Variants in GOLM2 observed in about 807,000 individuals in gnomAD.
GOLM2 encodes the protein protein GOLM2.
In GOLM2, 26 loss-of-function variants were observed where a neutral mutation model predicts 55.9. The ratio of observed to expected loss-of-function variants is 0.47; its 90% CI spans 0.34 to 0.65. GOLM2 has a LOEUF of 0.65. Ranked by LOEUF, GOLM2 falls within the 30% of genes least tolerant of loss-of-function variation. The pLI, the probability that GOLM2 is intolerant of heterozygous loss-of-function variation, is 0.01. For synonymous variants in GOLM2, 165 were observed against 194.6 expected, an observed-to-expected ratio of 0.85 and a Z score of 1.27; for missense variants, 486 against 531.8, an observed-to-expected ratio of 0.91 and a Z score of 0.85.
rs1364464677 is a variant in GOLM2 at position 44,380,912 on chromosome 15, T to G, written c.1008T>G (p.Ile336Met). Residue 336 changes from isoleucine (I) to methionine (M), a missense_variant, in exon 8 of 10, where the codon ATT becomes ATG. Transcript: ENST00000299957. ...CAAACTTGGACAGTGAACCCAGAATTCAAACAGATATACTAAAGCAGGCTA... is the reference window on the plus strand; with the variant it reads ...CAAACTTGGACAGTGAACCCAGAATGCAAACAGATATACTAAAGCAGGCTA... ...PGSNLDSEPR[I>M]QTDILKQATK... is the part of the protein sequence containing the mutation. 1.9e-6 allele frequency: 3 copies of G among 1,602,814 alleles called. No individual in the cohort carries two copies. The highest frequency in any genetic ancestry group is 2.6e-6 in the Non-Finnish European group (3 of 1,174,132).
chr15:44,326,216 C>T (rs992926058), intron 2 of GOLM2, among the ~76,000 whole-genome samples: 1 of 149,056 alleles, frequency 6.7e-6, no homozygotes, highest in Non-Finnish European at 1.5e-5. Context: ...GAGCTGAGAT[C>T]GCACCACTGC....
intron 5 of GOLM2, 67 bp from the exon 6 acceptor site, chr15:44,338,170 T>G: frequency 6.9e-7 from 1 of 1,452,726 alleles, no homozygotes; most frequent in Non-Finnish European, 9.6e-7. Flanking sequence ...ATTGTTACAT[T>G]CCTTCAAAAC....
intron 6 of GOLM2, among the ~76,000 whole-genome samples, chr15:44,369,374 A>C (rs1010175982): frequency 1.2e-4 from 18 of 151,028 alleles, no homozygotes; most frequent in Admixed American, 5.3e-4. Flanking sequence ...ACCACTCTCT[A>C]TCACATCTCC....
rs2079653587 is a variant in GOLM2 at position 44,413,631 on chromosome 15, CA to C, written c.*230del. 1.9e-5 allele frequency: 8 copies of C among 421,310 alleles called. No homozygotes were observed. Among genetic ancestry groups the C allele is most frequent in the East Asian group, 4.1e-5 (1 of 24,668 alleles). 26.1% of individuals were successfully genotyped at this position (421,310 alleles called of 1,614,324 possible). A position where few individuals can be genotyped will look rare whatever the true frequency, so the allele number is the denominator to read the frequency against. On this transcript the variant is annotated 3_prime_UTR_variant, in exon 10 of 10. Coordinates refer to ENST00000299957, the MANE Select transcript of GOLM2 (RefSeq NM_138423.4). ...TTTTTTGGTTATGATACAGTTAAGC[CA>C]AAAACAGCTAATCTTTGCATCTAAA... is the stretch of plus-strand genomic sequence containing the variant.
intron 2 of GOLM2, 100 bp from the exon 3 acceptor site, chr15:44,328,585 T>G (rs1158535562): frequency 4.6e-6 from 3 of 653,108 alleles, no homozygotes; most frequent in Non-Finnish European, 7.7e-6. Context: ...CTAAAGAAAT[T>G]GAGAATTATG....
At chr15:44,379,637 T>TTTTTTAA in intron 6 of GOLM2, 53 bp from the exon 7 acceptor site, 1 of 736,324 alleles carries the variant, frequency 1.4e-6, no homozygotes, top group Non-Finnish European at 2.2e-6. Flanking sequence ...TTTTTTTTTT[T>TTTTTTAA]TAGAAATCAT....
intron 8 of GOLM2, among the ~76,000 whole-genome samples, chr15:44,392,531 GAGA>G (rs2079498058): frequency 1.3e-5 from 2 of 151,880 alleles, no homozygotes; most frequent in Admixed American, 1.3e-4. Context: ...GCTGAGGCTG[GAGA>G]ATCGCTTGAA....
At chr15:44,398,829 G>C (rs761907518) in intron 8 of GOLM2, among the ~76,000 whole-genome samples, 8 of 151,782 alleles carry the variant, frequency 5.3e-5, no homozygotes, top group Non-Finnish European at 8.8e-5. Flanking sequence ...ACCACAGCCA[G>C]CTAATTTTTT....
chr15:44,385,538 T>C (rs1173023930), intron 8 of GOLM2, among the ~76,000 whole-genome samples: 2 of 151,940 alleles, frequency 1.3e-5, no homozygotes, highest in Admixed American at 6.6e-5. Context: ...TTTCAAGACC[T>C]TTGTCCTTTT....
chr15:44,369,067 TTATA>T (rs58317520), intron 6 of GOLM2, among the ~76,000 whole-genome samples: 773 of 22,826 alleles, frequency 0.034, 26 homozygotes, highest in Admixed American at 0.055. Flanking sequence ...ATAGGATATA[TTATA>T]TATATATATA....
intron 6 of GOLM2, among the ~76,000 whole-genome samples, chr15:44,351,915 A>C (rs2079167664): frequency 1.3e-5 from 2 of 152,244 alleles, no homozygotes; most frequent in South Asian, 4.1e-4. Flanking sequence ...GGTGAAAGAA[A>C]TTGAAGAGGA....
intron 9 of GOLM2, 68 bp downstream of exon 9, chr15:44,403,122 T>G: frequency 1.9e-6 from 3 of 1,574,144 alleles, no homozygotes; most frequent in Non-Finnish European, 2.6e-6. Flanking sequence ...GTTGAATTTG[T>G]GTAGAATTTC....
intron 9 of GOLM2, 26 bp downstream of exon 9, chr15:44,403,080 T>C: frequency 6.2e-7 from 1 of 1,613,572 alleles, no homozygotes; most frequent in South Asian, 1.1e-5. Flanking sequence ...GCCTCCATGC[T>C]ATAACCATGA....
At chr15:44,319,607 G>GCC (rs2078935492) in intron 1 of GOLM2, among the ~76,000 whole-genome samples, 1 of 152,022 alleles carries the variant, frequency 6.6e-6, no homozygotes, top group East Asian at 1.9e-4. Flanking sequence ...TTGTTTTTGA[G>GCC]ACAGGGTCTC....
At chr15:44,359,316 A>C (rs1372843288) in intron 6 of GOLM2, among the ~76,000 whole-genome samples, 1 of 150,650 alleles carries the variant, frequency 6.6e-6, no homozygotes, top group Admixed American at 6.6e-5. Flanking sequence ...GGCCAGGCGC[A>C]GTGGCTCATG....
chr15:44,334,352 T>A (rs1231628857), intron 4 of GOLM2, among the ~76,000 whole-genome samples: 1 of 152,230 alleles, frequency 6.6e-6, no homozygotes, highest in Non-Finnish European at 1.5e-5. Context: ...AATCCAATGT[T>A]AGCTATATGA....
At chr15:44,387,242 C>G (rs1489382466) in intron 8 of GOLM2, 1 of 150,114 alleles carries the variant, frequency 6.7e-6, no homozygotes, top group Non-Finnish European at 1.5e-5. Flanking sequence ...TTGGAGAGCA[C>G]TGCCATCTTA....
intron 8 of GOLM2, among the ~76,000 whole-genome samples, chr15:44,381,866 T>G (rs1304248160): frequency 2.0e-5 from 3 of 152,168 alleles, no homozygotes; most frequent in Non-Finnish European, 4.4e-5. Context: ...TTGCCCAGGC[T>G]GGTCTTGAAC....
At chr15:44,395,714 C>G (rs761135330) in intron 8 of GOLM2, among the ~76,000 whole-genome samples, 3 of 151,656 alleles carry the variant, frequency 2.0e-5, no homozygotes, top group Admixed American at 6.6e-5. Context: ...GTGGTACGCG[C>G]CTGTAGTCCC....
Sources: gnomAD v4.1 joint callset for allele counts (sites outside exome capture counted in the v4.1 genomes callset) on GRCh38, gnomAD v4.1.1 for gene constraint, MANE v1.5 for transcripts, NCBI Gene and HGNC (gene_info 2026-07-23, HGNC 2026-07-21) for gene names.